PRR16: variants seen among roughly 807,000 people sequenced by gnomAD.
PRR16 encodes protein Largen.
A neutral mutation model predicts 18.2 loss-of-function variants in PRR16; 6 were observed. The ratio of observed to expected loss-of-function variants is 0.33; its 90% CI spans 0.18 to 0.65. The LOEUF (loss-of-function observed/expected upper bound fraction) is 0.65. Ranked by LOEUF, PRR16 falls within the 30% of genes least tolerant of loss-of-function variation. The pLI, the probability that PRR16 is intolerant of heterozygous loss-of-function variation, is 0.74. For synonymous variants in PRR16, 151 were observed against 147.8 expected (o/e 1.02, Z -0.16); for missense variants, 412 against 376.6 (o/e 1.09, Z -0.78).
At chr5:120,714,750 C>A in the PRR16 span, among the ~76,000 whole-genome samples, 1 of 152,070 alleles carries the variant, frequency 6.6e-6, no homozygotes, top group Admixed American at 6.5e-5. Flanking sequence ...AAAGGCCCAT[C>A]AATGATAGAC....
the PRR16 span, among the ~76,000 whole-genome samples, chr5:120,766,365 G>A: frequency 6.6e-6 from 1 of 151,910 alleles, no homozygotes; most frequent in African/African-American, 2.4e-5. Context: ...TAAGCATTAA[G>A]AAAACACATC....
At chr5:120,497,760 AC>A (rs1434480585) in intron 1 of PRR16, among the ~76,000 whole-genome samples, 1 of 151,786 alleles carries the variant, frequency 6.6e-6, no homozygotes, top group Non-Finnish European at 1.5e-5. Context: ...AACATAGACA[AC>A]ATTGTATAAA....
intron 1 of PRR16, among the ~76,000 whole-genome samples, chr5:120,649,119 C>G (rs150153118): frequency 1.3e-5 from 2 of 152,134 alleles, no homozygotes; most frequent in East Asian, 1.9e-4. Flanking sequence ...CACGCTGGCT[C>G]GAGCACACCA....
intron 1 of PRR16, among the ~76,000 whole-genome samples, chr5:120,574,385 C>A (rs563669689): frequency 6.6e-6 from 1 of 152,192 alleles, no homozygotes; most frequent in South Asian, 2.1e-4. Flanking sequence ...AGGTGGATTA[C>A]TTGAGACCAG....
At chr5:120,726,388 T>C in the PRR16 span, among the ~76,000 whole-genome samples, 1 of 151,962 alleles carries the variant, frequency 6.6e-6, no homozygotes, top group South Asian at 2.1e-4. Context: ...AGGGAGGGAA[T>C]ATGGAGACAG....
rs1356971889 is a variant in PRR16, at chr5:120,486,457, A to C, written c.159+21812A>C. 1.3e-4 allele frequency among the ~76,000 whole-genome samples: 19 copies of C among 151,346 alleles called. No homozygotes were observed. In the East Asian group the frequency reaches 3.7e-3, roughly 30 times the overall value. On this transcript the variant is annotated intron_variant, in intron 1 of 1. Coordinates refer to ENST00000407149, the MANE Select transcript of PRR16 (RefSeq NM_001300783.2). ...GCTGCATAAATGTCTTCTTTTGAGAAGTGTCTGTTCATGTCCTTCGCCCAC... is the reference window on the plus strand; with the variant it reads ...GCTGCATAAATGTCTTCTTTTGAGACGTGTCTGTTCATGTCCTTCGCCCAC...
the PRR16 span, among the ~76,000 whole-genome samples, chr5:120,746,721 G>T: frequency 1.3e-5 from 2 of 151,902 alleles, no homozygotes; most frequent in Admixed American, 1.3e-4. Flanking sequence ...AAAAGCTCCT[G>T]GAGGTCTTTA....
chr5:120,752,944 T>C, the PRR16 span, among the ~76,000 whole-genome samples: 3 of 148,502 alleles, frequency 2.0e-5, no homozygotes, highest in Non-Finnish European at 4.5e-5. Flanking sequence ...TTCATCTCTT[T>C]CATTAAAAAG....
At position 120,540,128 on chromosome 5, in the gene PRR16, C is replaced by G. The variant is rs150745701; in HGVS notation, c.159+75483C>G. Among the ~76,000 whole-genome samples the G allele has an allele frequency of 3.1e-3, 473 of 152,226 alleles. 1 individual carries two copies. Among genetic ancestry groups the G allele is most frequent in the African/African-American group, 0.011 (447 of 41,544 alleles). ...TCATTAGAAGAAAAGACAGCAGTAA[C>G]AGTGTTTTGTTTTATTTTATTTATT... On this transcript the variant is annotated intron_variant, in intron 1 of 1. Transcript: ENST00000407149.
At chr5:120,669,854 A>T (rs532042435) in intron 1 of PRR16, among the ~76,000 whole-genome samples, 1 of 152,102 alleles carries the variant, frequency 6.6e-6, no homozygotes, top group Non-Finnish European at 1.5e-5. Flanking sequence ...ATGAAGTACA[A>T]TAGAAATATA....
the PRR16 span, among the ~76,000 whole-genome samples, chr5:120,700,834 C>T: frequency 2.0e-5 from 3 of 152,124 alleles, no homozygotes; most frequent in African/African-American, 7.2e-5. Context: ...GCTTCCGAGG[C>T]GATCGGGCAG....
At chr5:120,501,761 C>T (rs1347859884) in intron 1 of PRR16, among the ~76,000 whole-genome samples, 1 of 151,754 alleles carries the variant, frequency 6.6e-6, no homozygotes, top group African/African-American at 2.4e-5. Context: ...CTGAGACCAT[C>T]CTGGCTACCA....
At chr5:120,494,656 C>G (rs1278062689) in intron 1 of PRR16, among the ~76,000 whole-genome samples, 1 of 152,082 alleles carries the variant, frequency 6.6e-6, no homozygotes, top group Non-Finnish European at 1.5e-5. Flanking sequence ...ATGAATCAGG[C>G]TATTGGTGTT....
chr5:120,485,077 G>C (rs1749750189), intron 1 of PRR16, among the ~76,000 whole-genome samples: 1 of 151,904 alleles, frequency 6.6e-6, no homozygotes, highest in South Asian at 2.1e-4. Flanking sequence ...CTGATTATCT[G>C]ATTTTAGTGT....
chr5:120,760,198 A>G, the PRR16 span, among the ~76,000 whole-genome samples: 7 of 152,156 alleles, frequency 4.6e-5, no homozygotes. Context: ...CAGTAAATGT[A>G]CAGATTAGTA....
At chr5:120,509,657 G>A (rs375479772) in intron 1 of PRR16, among the ~76,000 whole-genome samples, 4 of 152,126 alleles carry the variant, frequency 2.6e-5, no homozygotes, top group South Asian at 2.1e-4. Context: ...GACTGCTTTC[G>A]AATTTTCAAT....
At chr5:120,643,757 C>T (rs1257064467) in intron 1 of PRR16, among the ~76,000 whole-genome samples, 1 of 152,048 alleles carries the variant, frequency 6.6e-6, no homozygotes, top group Non-Finnish European at 1.5e-5. Flanking sequence ...GCAATTACAG[C>T]ACTTTGGGAG....
the PRR16 span, among the ~76,000 whole-genome samples, chr5:120,739,591 C>T: frequency 8.6e-3 from 1,308 of 152,188 alleles, 19 homozygotes; most frequent in African/African-American, 0.03. Context: ...ATAGTTTTAA[C>T]AAATTGGTTT....
chr5:120,629,657 T>C (rs1274109179), intron 1 of PRR16, among the ~76,000 whole-genome samples: 1 of 152,174 alleles, frequency 6.6e-6, no homozygotes, highest in Non-Finnish European at 1.5e-5. Flanking sequence ...TCGCTATGCC[T>C]TCACACACCT....
Sources: gnomAD v4.1 joint callset for allele counts (sites outside exome capture counted in the v4.1 genomes callset) on GRCh38, gnomAD v4.1.1 for gene constraint, MANE v1.5 for transcripts, NCBI Gene and HGNC (gene_info 2026-07-23, HGNC 2026-07-21) for gene names.